Variants in RBFOX1 observed in about 807,000 individuals in gnomAD.
The protein encoded by RBFOX1 is RNA binding fox-1 homolog 1, also known as RNA binding protein fox-1 homolog 1.
In RBFOX1, 8 loss-of-function variants were observed where a neutral mutation model predicts 57.7. The ratio of observed to expected loss-of-function variants is 0.14; its 90% CI spans 0.08 to 0.25. The LOEUF is 0.25. Ranked by LOEUF, RBFOX1 falls within the 10% of genes least tolerant of loss-of-function variation. The pLI is 1.00. For missense variants in RBFOX1, 611 were observed against 548.5 expected, an observed-to-expected ratio of 1.11 and a Z score of -1.14; for synonymous variants, 326 against 222.4, an observed-to-expected ratio of 1.47 and a Z score of -4.15.
chr16:6,860,245 G>A (rs999323752), intron 3 of RBFOX1, among the ~76,000 whole-genome samples: 3 of 152,170 alleles, frequency 2.0e-5, no homozygotes, highest in African/African-American at 7.2e-5. Flanking sequence ...CAGACACAAT[G>A]TTAGGCACTT....
At chr16:6,386,167 C>A (rs139503088) in intron 2 of RBFOX1, among the ~76,000 whole-genome samples, 3 of 152,084 alleles carry the variant, frequency 2.0e-5, no homozygotes, top group Non-Finnish European at 4.4e-5. Context: ...GATGTCCTGG[C>A]CTCGTGATCC....
intron 2 of RBFOX1, among the ~76,000 whole-genome samples, chr16:6,647,108 C>CT (rs912804828): frequency 2.6e-5 from 4 of 152,172 alleles, no homozygotes; most frequent in African/African-American, 9.6e-5. Flanking sequence ...TGAGCACCCT[C>CT]TTCCTGGCTT....
chr16:6,522,388 G>C (rs74978667), intron 2 of RBFOX1, among the ~76,000 whole-genome samples: 1 of 152,056 alleles, frequency 6.6e-6, no homozygotes, highest in Non-Finnish European at 1.5e-5. Context: ...TTTTACCCAA[G>C]CTGGCCATTT....
intron 1 of RBFOX1, among the ~76,000 whole-genome samples, chr16:5,459,163 T>C (rs1192357408): frequency 6.6e-6 from 1 of 152,228 alleles, no homozygotes; most frequent in African/African-American, 2.4e-5. Context: ...TCCCACATTC[T>C]AGGCAGTAAT....
At chr16:6,408,500 T>C (rs1398570530) in intron 2 of RBFOX1, among the ~76,000 whole-genome samples, 2 of 152,186 alleles carry the variant, frequency 1.3e-5, no homozygotes, top group Non-Finnish European at 2.9e-5. Flanking sequence ...CCTGGGTCCT[T>C]TTCTCACCCA....
At chr16:6,642,921 T>G (rs561460692) in intron 2 of RBFOX1, among the ~76,000 whole-genome samples, 7 of 152,300 alleles carry the variant, frequency 4.6e-5, no homozygotes, top group African/African-American at 1.7e-4. Flanking sequence ...GAGATTTTAC[T>G]TAGTTTACAT....
chr16:5,310,156 T>G (rs907024368), intron 1 of RBFOX1, among the ~76,000 whole-genome samples: 1 of 152,152 alleles, frequency 6.6e-6, no homozygotes, highest in Non-Finnish European at 1.5e-5. Flanking sequence ...CCCAGCACTT[T>G]GGGAGGCTGA....
chr16:5,527,055 G>A (rs764503196), intron 2 of RBFOX1, among the ~76,000 whole-genome samples: 4 of 152,128 alleles, frequency 2.6e-5, no homozygotes, highest in Admixed American at 2.0e-4. Flanking sequence ...TGTCAGTGGT[G>A]CTCTTTCAGT....
At chr16:5,794,324 T>TC (rs2054802518) in intron 3 of RBFOX1, among the ~76,000 whole-genome samples, 1 of 151,922 alleles carries the variant, frequency 6.6e-6, no homozygotes, top group African/African-American at 2.4e-5. Context: ...ACCTCCTTTT[T>TC]TTCCTCATCC....
intron 4 of RBFOX1, among the ~76,000 whole-genome samples, chr16:7,244,778 G>A (rs1446296831): frequency 6.6e-6 from 1 of 152,204 alleles, no homozygotes; most frequent in Admixed American, 6.5e-5. Context: ...CACACTCGAA[G>A]GAGGCAGGCT....
chr16:5,577,833 A>C (rs1053210444), intron 2 of RBFOX1, among the ~76,000 whole-genome samples: 2 of 152,254 alleles, frequency 1.3e-5, no homozygotes, highest in African/African-American at 4.8e-5. Flanking sequence ...TTTAGGTTGG[A>C]AACTGTCAAA....
At chr16:6,415,995 C>T (rs376995485) in intron 2 of RBFOX1, among the ~76,000 whole-genome samples, 2 of 152,168 alleles carry the variant, frequency 1.3e-5, no homozygotes, top group South Asian at 2.1e-4. Flanking sequence ...CACCTGCCAG[C>T]GTTGTCATCC....
chr16:6,215,195 G>A (rs577466345), intron 1 of RBFOX1, among the ~76,000 whole-genome samples: 7 of 117,288 alleles, frequency 6.0e-5, no homozygotes, highest in African/African-American at 2.0e-4. Context: ...AGAAGGAGAG[G>A]AGGATAAGGA....
intron 2 of RBFOX1, among the ~76,000 whole-genome samples, chr16:6,574,336 T>C (rs932504329): frequency 1.3e-5 from 2 of 151,834 alleles, no homozygotes; most frequent in African/African-American, 4.8e-5. Flanking sequence ...AGGAGTTCTC[T>C]GCCTGTGCGT....
chr16:6,167,671 A>G (rs1036104465), intron 1 of RBFOX1, among the ~76,000 whole-genome samples: 3 of 152,164 alleles, frequency 2.0e-5, no homozygotes, highest in Non-Finnish European at 2.9e-5. Context: ...TTAAAATGCA[A>G]TGTCCAACCA....
intron 3 of RBFOX1, among the ~76,000 whole-genome samples, chr16:7,006,792 C>A (rs1216129331): frequency 6.6e-6 from 1 of 152,160 alleles, no homozygotes; most frequent in East Asian, 1.9e-4. Context: ...GAAGAGAACA[C>A]TTAGCAAAGT....
At chr16:5,530,008 C>T (rs534161476) in intron 2 of RBFOX1, among the ~76,000 whole-genome samples, 21 of 152,240 alleles carry the variant, frequency 1.4e-4, no homozygotes, top group Non-Finnish European at 2.9e-4. Context: ...TTCCTCACAG[C>T]CCTGAGAAGG....
At chr16:6,725,928 A>T (rs563959917) in intron 3 of RBFOX1, among the ~76,000 whole-genome samples, 64 of 152,302 alleles carry the variant, frequency 4.2e-4, no homozygotes, top group African/African-American at 1.4e-3. Flanking sequence ...GTATCTGATG[A>T]TAAACACTTG....
chr16:5,542,195 G>T (rs994454411), intron 2 of RBFOX1, among the ~76,000 whole-genome samples: 1 of 151,246 alleles, frequency 6.6e-6, no homozygotes, highest in Non-Finnish European at 1.5e-5. Context: ...CCTTCTATGC[G>T]CACTCAAGAA....
Sources: allele counts gnomAD v4.1 joint callset (sites outside exome capture counted in the v4.1 genomes callset), GRCh38; gene constraint gnomAD v4.1.1; transcripts MANE v1.5; gene names NCBI Gene and HGNC (gene_info 2026-07-23, HGNC 2026-07-21).